The following GMNC variants were observed in gnomAD, a reference collection of about 807,000 sequenced individuals.
The protein encoded by GMNC is geminin coiled-coil domain-containing protein 1.
In GMNC, 16 loss-of-function variants were observed where a neutral mutation model predicts 33.6. The observed-to-expected ratio is 0.48, with a 90% CI of 0.32 to 0.72. The LOEUF (loss-of-function observed/expected upper bound fraction) is 0.72. GMNC is among the 30% of genes least tolerant of loss of function. GMNC has a pLI of 0.03. For synonymous variants in GMNC, 156 were observed against 147.3 expected (o/e 1.06, Z -0.43); for missense variants, 393 against 388.9 (o/e 1.01, Z -0.09).
rs765100948 is a variant in GMNC, at chr3:190,855,926, G to C, written c.385-11C>G. The C allele has an allele frequency of 4.6e-6, 7 of 1,511,860 alleles. No individual in the cohort carries two copies. Among genetic ancestry groups the C allele is most frequent in the Non-Finnish European group, 6.2e-6 (7 of 1,127,874 alleles). 93.7% of individuals were successfully genotyped at this position (1,511,860 alleles called of 1,614,324 possible). A position where few individuals can be genotyped will look rare whatever the true frequency, so the allele number is the denominator to read the frequency against. On this transcript the variant is annotated splice_polypyrimidine_tract_variant and intron_variant, in intron 4 of 4. Transcript: ENST00000442080. ...AGATGAGAGCAATTTCTAGGGAAGT[G>C]ATATTTGAAAGTTATACTTTTTTCA...
intron 4 of GMNC, among the ~76,000 whole-genome samples, chr3:190,856,589 T>C (rs1001623149): frequency 1.3e-5 from 2 of 150,098 alleles, no homozygotes; most frequent in African/African-American, 4.9e-5. Context: ...ATTATCTCAT[T>C]GGATATAGAT....
intron 3 of GMNC, 106 bp from the exon 4 acceptor site, chr3:190,858,005 G>C (rs1737784450): frequency 5.7e-6 from 4 of 696,504 alleles, no homozygotes; most frequent in Middle Eastern, 2.4e-4. Flanking sequence ...ATTGTTTGTT[G>C]TATGAACACA....
chr3:190,859,905 A>G (rs558339477), intron 2 of GMNC: 27 of 422,160 alleles, frequency 6.4e-5, no homozygotes, highest in African/African-American at 4.9e-4. Flanking sequence ...ATTCTTGGGC[A>G]TTTTGTTTTT....
At chr3:190,847,134 G>T in the GMNC span, among the ~76,000 whole-genome samples, 1 of 152,084 alleles carries the variant, frequency 6.6e-6, no homozygotes, top group African/African-American at 2.4e-5. Flanking sequence ...ACTAGCTATT[G>T]GTGTCCTTTA....
rs1181023583 is a variant in GMNC, at chr3:190,862,557, A to C, written c.3+56T>G. On this transcript the variant is annotated intron_variant, in intron 1 of 4. Coordinates refer to ENST00000442080, the MANE Select transcript of GMNC (RefSeq NM_001146686.3). The surrounding 1 kb of genome is among the most constrained non-coding windows in gnomAD (Gnocchi z 4.5). ...ATAAATTCTAAATGCAAAGCTTATTAACTTTCAGAGACCCAAGTTTGCCAG... is the reference window on the plus strand; with the variant it reads ...ATAAATTCTAAATGCAAAGCTTATTCACTTTCAGAGACCCAAGTTTGCCAG... 1.5e-6 allele frequency: 2 copies of C among 1,302,574 alleles called. No homozygotes were observed. Among genetic ancestry groups the C allele is most frequent in the East Asian group, 2.5e-5 (1 of 39,732 alleles). The allele number at this position is 1,302,574 out of a possible 1,614,324, so 80.7% of individuals were successfully genotyped here.
chr3:190,851,456 C>A (rs1471940914), downstream of GMNC, among the ~76,000 whole-genome samples: 1 of 152,154 alleles, frequency 6.6e-6, no homozygotes, highest in Non-Finnish European at 1.5e-5. Flanking sequence ...CACATAGATC[C>A]AACTATACTG....
At chr3:190,848,863 A>G (rs1372774357), downstream of GMNC, among the ~76,000 whole-genome samples, 3 of 152,204 alleles carry the variant, frequency 2.0e-5, no homozygotes, top group Non-Finnish European at 4.4e-5. Flanking sequence ...CTTACTTTTT[A>G]TACTGCAGTC....
chr3:190,848,344 C>T (rs1737583693), downstream of GMNC, among the ~76,000 whole-genome samples: 1 of 152,234 alleles, frequency 6.6e-6, no homozygotes, highest in African/African-American at 2.4e-5. Flanking sequence ...ATAGGCCCCA[C>T]ACTTGGTGCT....
In GMNC at chr3:190,854,358, A is replaced by G. The variant is rs1737687980; in HGVS notation, c.*937T>C. 1.3e-5 allele frequency: 2 copies of G among 152,224 alleles called. No individual in the cohort carries two copies. Among genetic ancestry groups the G allele is most frequent in the Non-Finnish European group, 1.5e-5 (1 of 68,022 alleles). 9.4% of individuals were successfully genotyped at this position (152,224 alleles called of 1,614,324 possible). On this transcript the variant is annotated 3_prime_UTR_variant, in exon 5 of 5. Coordinates refer to ENST00000442080, the MANE Select transcript of GMNC (RefSeq NM_001146686.3). Reference sequence around the variant, plus strand: ...ACCATCACATAGCATAGTGCCTGGTACAAAGTAGGCATTAGGTATTCTACA... The same window carrying G: ...ACCATCACATAGCATAGTGCCTGGTGCAAAGTAGGCATTAGGTATTCTACA...
chr3:190,856,352 T>A (rs1238069672), intron 4 of GMNC, among the ~76,000 whole-genome samples: 1 of 137,620 alleles, frequency 7.3e-6, no homozygotes, highest in Non-Finnish European at 1.5e-5. Flanking sequence ...TATTTATTAA[T>A]ATATATTTAT....
chr3:190,847,915 T>C (rs780249644), downstream of GMNC, among the ~76,000 whole-genome samples: 8 of 152,170 alleles, frequency 5.3e-5, no homozygotes, highest in Non-Finnish European at 1.0e-4. Context: ...ATATCATGTT[T>C]AAAAAATGAC....
rs1234726843 is a variant in GMNC, at chr3:190,853,001, C to T, written c.*2294G>A. ...ACGTGGTAATTGTCTTCCATAACAT[C>T]GTCCATGATAGAAGCCAGGAAACCA... On this transcript the variant is annotated 3_prime_UTR_variant, in exon 5 of 5. Coordinates refer to ENST00000442080, the MANE Select transcript of GMNC (RefSeq NM_001146686.3). 2.0e-5 allele frequency: 3 copies of T among 152,068 alleles called. No homozygotes were observed. Among genetic ancestry groups the T allele is most frequent in the Admixed American group, 6.6e-5 (1 of 15,266 alleles). 9.4% of individuals were successfully genotyped at this position (152,068 alleles called of 1,614,324 possible).
Position 190,854,158 on chromosome 3 carries a change from T to C in GMNC, c.*1137A>G, listed in dbSNP as rs551828363. Reference sequence around the variant, plus strand: ...AACTGCCATGTTGGAGTAAATCTGATAGGACCCAGCCTCAATTCATAGAAT... The same window carrying C: ...AACTGCCATGTTGGAGTAAATCTGACAGGACCCAGCCTCAATTCATAGAAT... On this transcript the variant is annotated 3_prime_UTR_variant, in exon 5 of 5. Coordinates refer to ENST00000442080, the MANE Select transcript of GMNC (RefSeq NM_001146686.3). The C allele has an allele frequency of 2.0e-5, 3 of 152,308 alleles. No homozygotes were observed. The highest frequency in any genetic ancestry group is 1.3e-4 in the Admixed American group (2 of 15,280). The allele number at this position is 152,308 out of a possible 1,614,324, so 9.4% of individuals were successfully genotyped here. A position where few individuals can be genotyped will look rare whatever the true frequency, so the allele number is the denominator to read the frequency against.
chr3:190,860,610 C>G (rs1737840456), intron 2 of GMNC, 74 bp downstream of exon 2: 10 of 1,311,906 alleles, frequency 7.6e-6, no homozygotes, highest in Admixed American at 2.4e-5. Flanking sequence ...AGAGTCCCAG[C>G]CCATGATGCT....
chr3:190,846,884 A>G, the GMNC span, among the ~76,000 whole-genome samples: 1 of 152,218 alleles, frequency 6.6e-6, no homozygotes, highest in Non-Finnish European at 1.5e-5. Context: ...GCTTTCGTCC[A>G]TGAAACTGAG....
At chr3:190,860,889 G>A (rs569285631) in intron 1 of GMNC, 31 bp from the exon 2 acceptor site, 152 of 1,481,626 alleles carry the variant, frequency 1.0e-4, no homozygotes, top group Non-Finnish European at 1.3e-4. Context: ...GGAGTGAGGG[G>A]TCCCAAAAGA....
In GMNC at chr3:190,855,268, C is replaced by T. The variant is rs1051339901; in HGVS notation, c.*27G>A. The T allele has an allele frequency of 1.9e-6, 3 of 1,545,570 alleles. No homozygotes were observed. The African/African-American group carries it at 4.1e-5, about 21-fold the overall frequency. On this transcript the variant is annotated 3_prime_UTR_variant, in exon 5 of 5. Transcript: ENST00000442080. ...AGGTCTTTGTAAACAGAGTTCGTGGCAGTGCTTTGTGATAAAAGAGGGGTC... is the reference window on the plus strand; with the variant it reads ...AGGTCTTTGTAAACAGAGTTCGTGGTAGTGCTTTGTGATAAAAGAGGGGTC...
the GMNC span, among the ~76,000 whole-genome samples, chr3:190,847,073 A>G: frequency 6.6e-6 from 1 of 152,228 alleles, no homozygotes; most frequent in Non-Finnish European, 1.5e-5. Context: ...AGCAAATAAA[A>G]TGAAGTTTAG....
intron 2 of GMNC, 52 bp downstream of exon 2, chr3:190,860,632 G>A: frequency 6.8e-7 from 1 of 1,465,516 alleles, no homozygotes; most frequent in Non-Finnish European, 9.2e-7. Flanking sequence ...CGCAGCCACG[G>A]GTATGGAAAA....
Sources: gnomAD v4.1 joint callset for allele counts (sites outside exome capture counted in the v4.1 genomes callset) on GRCh38, gnomAD v4.1.1 for gene constraint, Gnocchi (gnomAD v3.1) non-coding constraint, MANE v1.5 for transcripts, NCBI Gene and HGNC (gene_info 2026-07-23, HGNC 2026-07-21) for gene names.